The following NOL4L variants were observed in gnomAD, a reference collection of about 807,000 sequenced individuals.
NOL4L encodes the protein nucleolar protein 4 like.
Under a neutral mutation model 64.5 loss-of-function variants are expected in NOL4L, and 7 were observed. That is an observed-to-expected ratio of 0.11 (90% CI 0.06 to 0.20). The LOEUF (loss-of-function observed/expected upper bound fraction) is 0.20, where lower values mean the gene tolerates loss of function less well. Ranked by LOEUF, NOL4L falls within the 10% of genes least tolerant of loss-of-function variation. The probability of loss-of-function intolerance (pLI) is 1.00; values close to 1 mark genes in which losing one functional copy is unlikely to be tolerated. For synonymous variants in NOL4L, 413 were observed against 401.0 expected, an observed-to-expected ratio of 1.03 and a Z score of -0.36; for missense variants, 680 against 967.1, an observed-to-expected ratio of 0.70 and a Z score of 3.94.
rs149556383 is a variant in NOL4L, at chr20:32,524,461, A to G, written c.477+3297T>C. On this transcript the variant is annotated intron_variant, in intron 2 of 10. Transcript: ENST00000621426. ...GCCAGAAAGCTCTTTTCCCTACCAA[A>G]TAACACGCCTCATTTAGTGCACTGA... Among the ~76,000 whole-genome samples the G allele has an allele frequency of 3.2e-3, 482 of 152,298 alleles. 5 individuals carry two copies. Among genetic ancestry groups the G allele is most frequent in the African/African-American group, 0.011 (449 of 41,560 alleles).
At chr20:32,475,372 G>A (rs2015321844) in intron 4 of NOL4L, 12 of 984,504 alleles carry the variant, frequency 1.2e-5, no homozygotes, top group African/African-American at 8.7e-5. Context: ...GGAAGGGGGC[G>A]GGGCAGGCCA....
chr20:32,457,223 G>A (rs143171263), intron 5 of NOL4L, among the ~76,000 whole-genome samples: 2,052 of 152,300 alleles, frequency 0.013, 40 homozygotes, highest in African/African-American at 0.046. Flanking sequence ...TACATTCCAG[G>A]CCTCTCTGCC....
chr20:32,552,956 T>C (rs1254653788), intron 1 of NOL4L, among the ~76,000 whole-genome samples: 1 of 152,104 alleles, frequency 6.6e-6, no homozygotes, highest in African/African-American at 2.4e-5. Context: ...GAAGCTAAGA[T>C]TACTCACTGG....
intron 1 of NOL4L, among the ~76,000 whole-genome samples, chr20:32,551,397 A>G (rs1000324632): frequency 1.3e-5 from 2 of 151,926 alleles, no homozygotes; most frequent in Non-Finnish European, 2.9e-5. Context: ...CATCATCATC[A>G]TCATCATCAT....
intron 5 of NOL4L, among the ~76,000 whole-genome samples, chr20:32,458,070 A>G (rs1407501008): frequency 6.6e-6 from 1 of 152,132 alleles, no homozygotes; most frequent in Non-Finnish European, 1.5e-5. Context: ...CGGGAACCAG[A>G]CCAGCTCCTC....
At chr20:32,482,433 T>A (rs1230853944) in intron 4 of NOL4L, among the ~76,000 whole-genome samples, 1 of 152,010 alleles carries the variant, frequency 6.6e-6, no homozygotes, top group African/African-American at 2.4e-5. Flanking sequence ...CAGCTCCGGG[T>A]GGGAGCAGGG....
rs2014273980 is a variant in NOL4L, at chr20:32,463,496, C to A, written c.842-7101G>T. 6.6e-6 allele frequency among the ~76,000 whole-genome samples: 1 copy of A among 152,216 alleles called. No individual in the cohort carries two copies. The highest frequency in any genetic ancestry group is 1.9e-4 in the East Asian group (1 of 5,186). The stretch of plus-strand genomic sequence containing the variant: ...GCATTTCCACAAAACCAGGCCCTCC[C>A]CACTGTGGCAAAGGGCGACTCCTTC... On this transcript the variant is annotated intron_variant, in intron 5 of 10. Coordinates refer to ENST00000621426, the MANE Select transcript of NOL4L (RefSeq NM_001256798.2). The surrounding 1 kb of genome is among the most constrained non-coding windows in gnomAD (Gnocchi z 5.8).
At chr20:32,567,143 T>C (rs1979478254) in intron 1 of NOL4L, among the ~76,000 whole-genome samples, 1 of 152,130 alleles carries the variant, frequency 6.6e-6, no homozygotes, top group Non-Finnish European at 1.5e-5. Context: ...CCTTGCCTCC[T>C]TCCCCTCCTG....
At chr20:32,488,805 T>TCCTTCCTTCCTTCC (rs377521629) in intron 4 of NOL4L, among the ~76,000 whole-genome samples, 1 of 30,204 alleles carries the variant, frequency 3.3e-5, no homozygotes. Context: ...CTTTCTTTCT[T>TCCTTCCTTCCTTCC]TTTCTTTCTT....
chr20:32,453,827 A>G lies in NOL4L; in HGVS notation c.1120-66T>C. On this transcript the variant is annotated intron_variant, in intron 6 of 10. Coordinates refer to ENST00000621426, the MANE Select transcript of NOL4L (RefSeq NM_001256798.2). The surrounding 1 kb of genome is among the most constrained non-coding windows in gnomAD (Gnocchi z 5.6). The stretch of plus-strand genomic sequence containing the variant: ...TGCTCAAGCCCTTGCTGGGTCTCCT[A>G]CAGGCGGTGAGCTTGGGGACCAGGG... The G allele has an allele frequency of 2.0e-6, 3 of 1,475,378 alleles. No individual in the cohort carries two copies. Among genetic ancestry groups the G allele is most frequent in the South Asian group, 2.5e-5 (2 of 80,796 alleles). The allele number at this position is 1,475,378 out of a possible 1,614,324, so 91.4% of individuals were successfully genotyped here.
At chr20:32,583,068 G>A (rs1980587743) in intron 1 of NOL4L, among the ~76,000 whole-genome samples, 2 of 152,110 alleles carry the variant, frequency 1.3e-5, no homozygotes, top group East Asian at 1.9e-4. Flanking sequence ...GCCCGGTCCC[G>A]GCGCGCCCCT....
intron 6 of NOL4L, among the ~76,000 whole-genome samples, chr20:32,455,120 G>T (rs1261930952): frequency 6.6e-6 from 1 of 152,220 alleles, no homozygotes; most frequent in Non-Finnish European, 1.5e-5. Context: ...CCAGGGCCAG[G>T]GCAGACAGAT....
At chr20:32,508,887 G>A (rs1235213151) in intron 4 of NOL4L, among the ~76,000 whole-genome samples, 2 of 151,994 alleles carry the variant, frequency 1.3e-5, no homozygotes, top group East Asian at 1.9e-4. Flanking sequence ...CTTTTGCTTC[G>A]GCAACAGAAC....
chr20:32,488,800 TTTCTTTTTCTTTCTTTC>T (rs1568648154), intron 4 of NOL4L, among the ~76,000 whole-genome samples: 1 of 34,680 alleles, frequency 2.9e-5, no homozygotes, highest in Non-Finnish European at 4.8e-5. Flanking sequence ...CCTTTCTTTC[TTTCTTTTTCTTTCTTTC>T]TTTCTTTCTT....
Position 32,511,333 on chromosome 20 carries a change from G to T in NOL4L, c.699+14C>A. The stretch of plus-strand genomic sequence containing the variant: ...GACGCCTCCAGGTGGGGTGAGGGGA[G>T]ACGGCCGCCTTACCTGCTCCTGGGA... On this transcript the variant is annotated intron_variant, in intron 4 of 10. Transcript: ENST00000621426. 6.5e-7 allele frequency: 1 copy of T among 1,532,972 alleles called. No individual in the cohort carries two copies. The highest frequency in any genetic ancestry group is 8.8e-7 in the Non-Finnish European group (1 of 1,131,668). The allele number at this position is 1,532,972 out of a possible 1,614,324, so 95.0% of individuals were successfully genotyped here.
chr20:32,543,803 A>AC (rs1568703861), intron 1 of NOL4L, among the ~76,000 whole-genome samples: 1 of 151,914 alleles, frequency 6.6e-6, no homozygotes, highest in Non-Finnish European at 1.5e-5. Context: ...AAAAAACAAA[A>AC]AAAAAAAGAT....
intron 4 of NOL4L, among the ~76,000 whole-genome samples, chr20:32,481,968 G>GGC (rs1555794907): frequency 6.7e-6 from 1 of 149,004 alleles, no homozygotes; most frequent in African/African-American, 2.4e-5. Flanking sequence ...GCGGGGCGGG[G>GGC]GGGGGGGAGC....
Position 32,464,899 on chromosome 20 carries a change from G to T in NOL4L, c.842-8504C>A, listed in dbSNP as rs575101762. 1.4e-5 allele frequency: 6 copies of T among 425,350 alleles called. No homozygotes were observed. Among genetic ancestry groups the T allele is most frequent in the Non-Finnish European group, 1.7e-5 (4 of 231,620 alleles). The allele number at this position is 425,350 out of a possible 1,614,324, so 26.3% of individuals were successfully genotyped here. A position where few individuals can be genotyped will look rare whatever the true frequency, so the allele number is the denominator to read the frequency against. ...TCACCTTCTTCTTTCCTACGGAGCCGCTGAGACGCAGCGTGTATTGCACAC... is the reference window on the plus strand; with the variant it reads ...TCACCTTCTTCTTTCCTACGGAGCCTCTGAGACGCAGCGTGTATTGCACAC... On this transcript the variant is annotated intron_variant, in intron 5 of 10. Transcript: ENST00000621426. The surrounding 1 kb of genome is among the most constrained non-coding windows in gnomAD (Gnocchi z 5.6).
intron 9 of NOL4L, 46 bp from the exon 10 acceptor site, chr20:32,452,483 G>A: frequency 6.7e-7 from 1 of 1,484,252 alleles, no homozygotes; most frequent in South Asian, 1.3e-5. Context: ...GGGGCAGCTG[G>A]CCCCAACTAC....
Sources: gnomAD v4.1 joint callset for allele counts (sites outside exome capture counted in the v4.1 genomes callset) on GRCh38, gnomAD v4.1.1 for gene constraint, Gnocchi (gnomAD v3.1) non-coding constraint, MANE v1.5 for transcripts, NCBI Gene and HGNC (gene_info 2026-07-23, HGNC 2026-07-21) for gene names.